Variants in CDH12 observed in about 807,000 individuals in gnomAD.
CDH12 encodes the protein cadherin 12, also known as cadherin-12.
In CDH12, 41 loss-of-function variants were observed where a neutral mutation model predicts 74.1. The ratio of observed to expected loss-of-function variants is 0.55; its 90% CI spans 0.43 to 0.72. The LOEUF (loss-of-function observed/expected upper bound fraction) is 0.72, where lower values mean the gene tolerates loss of function less well. Ranked by LOEUF, CDH12 falls within the 30% of genes least tolerant of loss-of-function variation. The probability of loss-of-function intolerance (pLI) is 0.00; values close to 1 mark genes in which losing one functional copy is unlikely to be tolerated. For missense variants in CDH12, 945 were observed against 977.2 expected (o/e 0.97, Z 0.44); for synonymous variants, 399 against 355.0 (o/e 1.12, Z -1.39).
intron 9 of CDH12, among the ~76,000 whole-genome samples, chr5:21,807,807 C>T (rs1169292847): frequency 6.6e-6 from 1 of 152,062 alleles, no homozygotes; most frequent in African/African-American, 2.4e-5. Flanking sequence ...AATTAAATGA[C>T]ATCTCACTCA....
intron 4 of CDH12, among the ~76,000 whole-genome samples, chr5:22,159,109 A>G (rs72742013): frequency 0.066 from 10,080 of 152,150 alleles, 451 homozygotes; most frequent in South Asian, 0.15. Context: ...TGAGGGAGAA[A>G]ATAGATGAGG....
At chr5:22,064,616 C>T (rs780735106) in intron 5 of CDH12, among the ~76,000 whole-genome samples, 2 of 152,034 alleles carry the variant, frequency 1.3e-5, no homozygotes, top group Non-Finnish European at 2.9e-5. Context: ...CTTGCAAGAG[C>T]GAAGCATCTG....
chr5:22,258,329 A>C (rs1216469886), intron 3 of CDH12, among the ~76,000 whole-genome samples: 1 of 152,124 alleles, frequency 6.6e-6, no homozygotes, highest in Non-Finnish European at 1.5e-5. Flanking sequence ...TGGTAGAGAC[A>C]GTCTTCAGCA....
At chr5:22,790,528 A>T (rs1435973621) in intron 1 of CDH12, among the ~76,000 whole-genome samples, 3 of 152,044 alleles carry the variant, frequency 2.0e-5, no homozygotes, top group Non-Finnish European at 4.4e-5. Context: ...GCTTCATATA[A>T]TCCCTTTGAC....
intron 1 of CDH12, among the ~76,000 whole-genome samples, chr5:22,534,918 T>C (rs1043242440): frequency 6.7e-6 from 1 of 149,026 alleles, no homozygotes; most frequent in East Asian, 1.9e-4. Context: ...TTATATTTAA[T>C]ATATTTTATA....
At chr5:22,693,585 ATGT>A (rs1489189423) in intron 1 of CDH12, among the ~76,000 whole-genome samples, 1 of 152,174 alleles carries the variant, frequency 6.6e-6, no homozygotes, top group African/African-American at 2.4e-5. Flanking sequence ...ATTATTCGTA[ATGT>A]TGTACTCATA....
rs867956106 is a variant in CDH12 at position 22,815,778 on chromosome 5, A to T, written c.-523+37280T>A. Reference sequence around the variant, plus strand: ...GAAGGAGACTCCGTCTCAAAAAAAAAAAAAAAATAAATAAATAATAAAAAT... The same window carrying T: ...GAAGGAGACTCCGTCTCAAAAAAAATAAAAAAATAAATAAATAATAAAAAT... On this transcript the variant is annotated intron_variant, in intron 1 of 14. Transcript: ENST00000382254. Among the ~76,000 whole-genome samples, 67 of 149,906 alleles carry T rather than the reference A, an allele frequency of 4.5e-4. 1 individual carries two copies. Among genetic ancestry groups the T allele is most frequent in the African/African-American group, 1.5e-3 (64 of 41,324 alleles).
intron 2 of CDH12, among the ~76,000 whole-genome samples, chr5:22,419,230 T>C (rs528236661): frequency 6.6e-6 from 1 of 152,226 alleles, no homozygotes; most frequent in East Asian, 1.9e-4. Flanking sequence ...CTTTGGTGGT[T>C]TGCTGCATCT....
intron 1 of CDH12, among the ~76,000 whole-genome samples, chr5:22,836,216 TC>T (rs1736812168): frequency 6.6e-5 from 6 of 91,050 alleles, no homozygotes; most frequent in Non-Finnish European, 1.3e-4. Context: ...TTTTTTTCTT[TC>T]TTTCTCTTTT....
At chr5:22,663,025 A>G (rs560701092) in intron 1 of CDH12, among the ~76,000 whole-genome samples, 1 of 152,166 alleles carries the variant, frequency 6.6e-6, no homozygotes, top group Non-Finnish European at 1.5e-5. Flanking sequence ...CTATCCTAAC[A>G]TATTTGTAAA....
At chr5:22,554,112 T>C (rs1738691352) in intron 1 of CDH12, among the ~76,000 whole-genome samples, 1 of 151,942 alleles carries the variant, frequency 6.6e-6, no homozygotes, top group African/African-American at 2.4e-5. Context: ...AAAGAAACAA[T>C]TATGGAGACA....
chr5:22,301,315 A>G (rs1378404351), intron 3 of CDH12, among the ~76,000 whole-genome samples: 1 of 152,224 alleles, frequency 6.6e-6, no homozygotes, highest in East Asian at 1.9e-4. Flanking sequence ...GGGGCACACT[A>G]TCCACCTGGC....
At chr5:22,457,448 C>A (rs1404797897) in intron 2 of CDH12, among the ~76,000 whole-genome samples, 2 of 150,452 alleles carry the variant, frequency 1.3e-5, no homozygotes, top group East Asian at 2.0e-4. Flanking sequence ...GAGATGGAGT[C>A]TCTCTCTGTG....
At chr5:22,611,721 C>G (rs956803433) in intron 1 of CDH12, among the ~76,000 whole-genome samples, 10 of 152,134 alleles carry the variant, frequency 6.6e-5, no homozygotes, top group Admixed American at 6.5e-5. Context: ...GCCTATCACC[C>G]AGTCTCCTGC....
rs1747463796 is a variant in CDH12, at chr5:22,783,101, TA to T, written c.-523+69956del. Among the ~76,000 whole-genome samples, 12 of 152,302 alleles carry T rather than the reference TA, an allele frequency of 7.9e-5. No individual in the cohort carries two copies. The South Asian group carries it at 2.5e-3, about 32-fold the overall frequency. On this transcript the variant is annotated intron_variant, in intron 1 of 14. Transcript: ENST00000382254. Reference sequence around the variant, plus strand: ...ATACAATGCAAAGAATAAATTTTGGTAATTTCAATATCATATGAAAATGACT... The same window carrying T: ...ATACAATGCAAAGAATAAATTTTGGTATTTCAATATCATATGAAAATGACT...
At chr5:21,803,788 A>G (rs1160835965) in intron 9 of CDH12, among the ~76,000 whole-genome samples, 1 of 152,112 alleles carries the variant, frequency 6.6e-6, no homozygotes, top group Non-Finnish European at 1.5e-5. Flanking sequence ...CTGTGTCAGT[A>G]CCTGTTCCTT....
chr5:22,743,622 C>A (rs1443455918), intron 1 of CDH12, among the ~76,000 whole-genome samples: 1 of 152,060 alleles, frequency 6.6e-6, no homozygotes, highest in African/African-American at 2.4e-5. Context: ...TTTTACTGAT[C>A]ATTTTACTTA....
chr5:22,839,930 A>C (rs552851806), intron 1 of CDH12, among the ~76,000 whole-genome samples: 37 of 152,210 alleles, frequency 2.4e-4, no homozygotes, highest in Non-Finnish European at 4.6e-4. Context: ...TTTATAAACA[A>C]TAAGTTAAAA....
intron 1 of CDH12, among the ~76,000 whole-genome samples, chr5:22,527,501 T>G (rs1181466953): frequency 1.3e-5 from 2 of 152,194 alleles, no homozygotes; most frequent in African/African-American, 4.8e-5. Context: ...CAAGTCAGAC[T>G]ACTCTGATTA....
Sources: gnomAD v4.1 joint callset for allele counts (sites outside exome capture counted in the v4.1 genomes callset) on GRCh38, gnomAD v4.1.1 for gene constraint, MANE v1.5 for transcripts, NCBI Gene and HGNC (gene_info 2026-07-23, HGNC 2026-07-21) for gene names.